Variants in EHMT1 observed in about 807,000 individuals in gnomAD.
EHMT1 encodes euchromatic histone lysine methyltransferase 1, also known as histone-lysine N-methyltransferase EHMT1.
Under a neutral mutation model 147.2 loss-of-function variants are expected in EHMT1, and 15 were observed. The ratio of observed to expected loss-of-function variants is 0.10; its 90% CI spans 0.07 to 0.16. The LOEUF is 0.16. EHMT1 is among the 10% of genes least tolerant of loss of function. EHMT1 has a pLI of 1.00. For missense variants in EHMT1, 1,587 were observed against 1,772.4 expected, an observed-to-expected ratio of 0.90 and a Z score of 1.88; for synonymous variants, 795 against 709.6, an observed-to-expected ratio of 1.12 and a Z score of -1.91.
chr9:137,711,732 GC>G (rs1259677924), intron 2 of EHMT1, among the ~76,000 whole-genome samples: 1 of 152,062 alleles, frequency 6.6e-6, no homozygotes, highest in African/African-American at 2.4e-5. Context: ...CACCAAGAGC[GC>G]CCCCAGGAAA....
At chr9:137,648,939 T>C (rs1845104635) in intron 1 of EHMT1, among the ~76,000 whole-genome samples, 1 of 152,194 alleles carries the variant, frequency 6.6e-6, no homozygotes, top group Non-Finnish European at 1.5e-5. Context: ...TTAGCTGGTC[T>C]TCCTAGTTTT....
At chr9:137,793,638 AC>A (rs1325907562) in intron 16 of EHMT1, among the ~76,000 whole-genome samples, 1 of 152,354 alleles carries the variant, frequency 6.6e-6, no homozygotes, top group South Asian at 2.1e-4. Context: ...GACAGAAACA[AC>A]CCAGATGTCT....
intron 1 of EHMT1, among the ~76,000 whole-genome samples, chr9:137,647,506 CT>C (rs1380962584): frequency 6.6e-6 from 1 of 152,036 alleles, no homozygotes; most frequent in African/African-American, 2.4e-5. Flanking sequence ...TTGGTGGCCC[CT>C]GTGCTCTCTG....
chr9:137,669,267 TTGCTGGG>T (rs1490227590), intron 1 of EHMT1, among the ~76,000 whole-genome samples: 1 of 137,074 alleles, frequency 7.3e-6, no homozygotes, highest in African/African-American at 2.7e-5. Context: ...TGCTTACTGC[TTGCTGGG>T]TGCTGGTCTC....
intron 5 of EHMT1, 30 bp downstream of exon 5, chr9:137,743,558 G>A (rs761573493): frequency 1.4e-5 from 23 of 1,613,722 alleles, no homozygotes; most frequent in Non-Finnish European, 1.7e-5. Flanking sequence ...GAGTTGCCAC[G>A]TGTGCGTGGA....
chr9:137,825,649 C>G (rs1050456564), intron 25 of EHMT1, among the ~76,000 whole-genome samples: 3 of 152,170 alleles, frequency 2.0e-5, no homozygotes, highest in Non-Finnish European at 4.4e-5. Flanking sequence ...CATATTTTTC[C>G]TCTTGTTGCT....
At chr9:137,675,524 C>T (rs910758380) in intron 1 of EHMT1, among the ~76,000 whole-genome samples, 10 of 151,822 alleles carry the variant, frequency 6.6e-5, no homozygotes, top group African/African-American at 2.2e-4. Flanking sequence ...AGTGCAGTGG[C>T]GTGATCTCTG....
intron 2 of EHMT1, among the ~76,000 whole-genome samples, chr9:137,713,841 T>A (rs904365999): frequency 2.0e-5 from 3 of 151,874 alleles, no homozygotes; most frequent in Admixed American, 6.6e-5. Flanking sequence ...TCCCAGCTAC[T>A]CATGAGGCTG....
intron 25 of EHMT1, among the ~76,000 whole-genome samples, chr9:137,821,635 C>G (rs1955431424): frequency 6.6e-6 from 1 of 152,108 alleles, no homozygotes; most frequent in South Asian, 2.1e-4. Flanking sequence ...CCCAGCTTCA[C>G]CATAGAGTTT....
chr9:137,634,892 T>TAA (rs1281927962), intron 1 of EHMT1, among the ~76,000 whole-genome samples: 1 of 127,332 alleles, frequency 7.9e-6, no homozygotes, highest in African/African-American at 3.0e-5. Context: ...TTTTTTTTTT[T>TAA]TGTATTTTTA....
At chr9:137,742,186 G>A (rs976172834) in intron 4 of EHMT1, among the ~76,000 whole-genome samples, 1 of 151,898 alleles carries the variant, frequency 6.6e-6, no homozygotes, top group African/African-American at 2.4e-5. Flanking sequence ...CCCAGGCCCC[G>A]CGGCGTCTGT....
In EHMT1 at chr9:137,834,956, C is replaced by A; in HGVS notation, c.*3C>A. ...CGGCTGCCGCCGACCCCCTATGAGA[C>A]GCCGCCGGCCAGCGGGGCGCTCGGG... is the stretch of plus-strand genomic sequence containing the variant. On this transcript the variant is annotated 3_prime_UTR_variant, in exon 27 of 27. Transcript: ENST00000460843. The A allele has an allele frequency of 7.0e-7, 1 of 1,421,352 alleles. No homozygotes were observed. The highest frequency in any genetic ancestry group is 2.8e-5 in the East Asian group (1 of 35,600). 88.0% of individuals were successfully genotyped at this position (1,421,352 alleles called of 1,614,324 possible).
At chr9:137,644,355 C>T (rs1160475313) in intron 1 of EHMT1, among the ~76,000 whole-genome samples, 3 of 149,756 alleles carry the variant, frequency 2.0e-5, no homozygotes, top group Non-Finnish European at 3.0e-5. Flanking sequence ...GATGGAGTCT[C>T]ATTTGGTTGC....
intron 2 of EHMT1, chr9:137,715,898 A>C: frequency 1.1e-6 from 1 of 925,312 alleles, no homozygotes. Flanking sequence ...CTAACGTTCA[A>C]CGTTAATGCT....
At chr9:137,834,263 G>A (rs543809823) in intron 25 of EHMT1, 86 bp from the exon 26 acceptor site, 4 of 1,559,314 alleles carry the variant, frequency 2.6e-6, no homozygotes, top group South Asian at 2.3e-5. Context: ...TGCAGGCTCC[G>A]GGACTGCCAT....
chr9:137,704,641 CTT>C (rs545475281), intron 1 of EHMT1, among the ~76,000 whole-genome samples: 10 of 152,198 alleles, frequency 6.6e-5, no homozygotes, highest in African/African-American at 2.2e-4. Flanking sequence ...GGTATCCTCT[CTT>C]CTTTTTACTT....
chr9:137,774,146 C>T (rs1456816116), intron 10 of EHMT1, among the ~76,000 whole-genome samples: 1 of 152,260 alleles, frequency 6.6e-6, no homozygotes, highest in Non-Finnish European at 1.5e-5. Context: ...GTACCGCTGC[C>T]CACTGCTGGC....
intron 17 of EHMT1, 63 bp downstream of exon 17, chr9:137,798,977 T>C: frequency 7.4e-7 from 1 of 1,346,528 alleles, no homozygotes; most frequent in East Asian, 2.3e-5. Context: ...CTCACTGTTC[T>C]GCAGCTCCTG....
At chr9:137,811,948 G>T (rs1329433612) in intron 19 of EHMT1, among the ~76,000 whole-genome samples, 1 of 152,218 alleles carries the variant, frequency 6.6e-6, no homozygotes, top group Non-Finnish European at 1.5e-5. Context: ...CAGAGTCCCC[G>T]AGAGGCTCAG....
Sources: allele counts gnomAD v4.1 joint callset (sites outside exome capture counted in the v4.1 genomes callset), GRCh38; gene constraint gnomAD v4.1.1; transcripts MANE v1.5; gene names NCBI Gene and HGNC (gene_info 2026-07-23, HGNC 2026-07-21).